BCL2L13: variants seen among roughly 807,000 people sequenced by gnomAD.
The protein encoded by BCL2L13 is bcl-2-like protein 13.
A neutral mutation model predicts 25.8 loss-of-function variants in BCL2L13; 13 were observed. The ratio of observed to expected loss-of-function variants is 0.50; its 90% CI spans 0.33 to 0.80. The LOEUF is 0.80. Ranked by LOEUF, BCL2L13 falls within the 30% of genes least tolerant of loss-of-function variation. BCL2L13 has a pLI of 0.02. For synonymous variants in BCL2L13, 244 were observed against 230.3 expected (o/e 1.06, Z -0.54); for missense variants, 504 against 574.9 (o/e 0.88, Z 1.26).
intron 3 of BCL2L13, among the ~76,000 whole-genome samples, chr22:17,684,175 T>G (rs1309479930): frequency 6.6e-6 from 1 of 152,100 alleles, no homozygotes; most frequent in Non-Finnish European, 1.5e-5. Context: ...ATTTAAAAGG[T>G]CCAGTTCAGT....
chr22:17,656,909 C>T (rs569398142), intron 2 of BCL2L13, among the ~76,000 whole-genome samples: 1 of 152,240 alleles, frequency 6.6e-6, no homozygotes, highest in South Asian at 2.1e-4. Context: ...ACCTCTGCCT[C>T]CCGGGTTCAA....
Position 17,727,019 on chromosome 22 carries a change from G to C in BCL2L13, c.943G>C (p.Val315Leu). 7.4e-6 allele frequency: 12 copies of C among 1,614,224 alleles called. No individual in the cohort carries two copies. The highest frequency in any genetic ancestry group is 1.0e-5 in the Non-Finnish European group (12 of 1,180,038). ...SDIVHVEKEE[V>L]PEGMEEAAVA... ...CATTGTGCACGTGGAGAAAGAAGAGGTGCCCGAGGGCATGGAAGAGGCTGC... is the reference window on the plus strand; with the variant it reads ...CATTGTGCACGTGGAGAAAGAAGAGCTGCCCGAGGGCATGGAAGAGGCTGC... Residue 315 changes from valine to leucine, a missense_variant, in exon 7 of 7, where the codon GTG (valine) becomes CTG (leucine). Val to Leu is a conservative substitution (Grantham distance 32). Coordinates refer to ENST00000317582, the MANE Select transcript of BCL2L13 (RefSeq NM_015367.4).
At chr22:17,706,573 G>A (rs1373002107) in intron 6 of BCL2L13, 6 of 782,578 alleles carry the variant, frequency 7.7e-6, no homozygotes, top group Non-Finnish European at 9.8e-6. Context: ...ACAAATGCCA[G>A]GTTTTCACAT....
rs139775965 is a variant in BCL2L13 at position 17,715,106 on chromosome 22, G to T, written c.601-11571G>T. Among the ~76,000 whole-genome samples, 163 of 119,682 alleles carry T rather than the reference G, an allele frequency of 1.4e-3. 1 individual carries two copies. Among genetic ancestry groups the T allele is most frequent in the Non-Finnish European group, 2.4e-3 (147 of 60,504 alleles). 78.5% of individuals were successfully genotyped at this position (119,682 alleles called of 152,430 possible). A position where few individuals can be genotyped will look rare whatever the true frequency, so the allele number is the denominator to read the frequency against. On this transcript the variant is annotated intron_variant, in intron 6 of 6. Coordinates refer to ENST00000317582, the MANE Select transcript of BCL2L13 (RefSeq NM_015367.4). ...GGGCCAGCCTTATTAAGTTTCCAAA[G>T]ACTTCAGTGTTAATTTTATATATAT... is the stretch of plus-strand genomic sequence containing the variant.
At chr22:17,719,874 C>T (rs969931736) in intron 6 of BCL2L13, among the ~76,000 whole-genome samples, 2 of 147,244 alleles carry the variant, frequency 1.4e-5, no homozygotes, top group African/African-American at 5.0e-5. Flanking sequence ...ATACATGCTA[C>T]AACATGGGTG....
chr22:17,702,700 A>T (rs1304695130), intron 6 of BCL2L13: 1 of 199,206 alleles, frequency 5.0e-6, no homozygotes, highest in Non-Finnish European at 1.0e-5. Flanking sequence ...ATGTTCTTTG[A>T]CCCTTGAATT....
intron 1 of BCL2L13, among the ~76,000 whole-genome samples, chr22:17,631,158 G>A (rs1345415267): frequency 6.6e-6 from 1 of 150,514 alleles, no homozygotes; most frequent in Non-Finnish European, 1.5e-5. Flanking sequence ...GTGCAGTGGT[G>A]CAAACTCGGC....
At chr22:17,628,882 A>T (rs1051461246), upstream of BCL2L13, 2 of 575,422 alleles carry the variant, frequency 3.5e-6, no homozygotes, top group Non-Finnish European at 6.2e-6. Flanking sequence ...GGGTCCTTCT[A>T]CGTCGCTGAC....
At chr22:17,703,319 C>T (rs931899373) in intron 6 of BCL2L13, 2 of 152,124 alleles carry the variant, frequency 1.3e-5, no homozygotes, top group Non-Finnish European at 2.9e-5. Flanking sequence ...TATTTTAAAT[C>T]TTTCAGTCAT....
At chr22:17,708,829 G>A (rs8135065) in intron 6 of BCL2L13, among the ~76,000 whole-genome samples, 4 of 152,274 alleles carry the variant, frequency 2.6e-5, no homozygotes, top group East Asian at 3.9e-4. Context: ...GAATGGTTCC[G>A]AGGCTACTTG....
chr22:17,684,895 A>G (rs537632582), intron 3 of BCL2L13, among the ~76,000 whole-genome samples: 33 of 151,594 alleles, frequency 2.2e-4, no homozygotes, highest in Non-Finnish European at 4.0e-4. Context: ...ACCACACCCG[A>G]CTAATTTTTT....
intron 2 of BCL2L13, among the ~76,000 whole-genome samples, chr22:17,671,860 C>T (rs2059430140): frequency 6.6e-6 from 1 of 152,204 alleles, no homozygotes; most frequent in South Asian, 2.1e-4. Flanking sequence ...ATTAAAGGAG[C>T]GCGCCATCAC....
At chr22:17,724,372 C>T (rs556050716) in intron 6 of BCL2L13, among the ~76,000 whole-genome samples, 50 of 152,298 alleles carry the variant, frequency 3.3e-4, no homozygotes, top group African/African-American at 1.2e-3. Flanking sequence ...CAGATTCGCA[C>T]AGCTGGTACA....
chr22:17,715,225 A>G (rs1231590264), intron 6 of BCL2L13, among the ~76,000 whole-genome samples: 1 of 112,628 alleles, frequency 8.9e-6, no homozygotes, highest in Non-Finnish European at 1.7e-5. Flanking sequence ...TCGGTTACCC[A>G]GGCTGGAGTA....
At chr22:17,723,997 G>A (rs144008499) in intron 6 of BCL2L13, among the ~76,000 whole-genome samples, 3 of 152,200 alleles carry the variant, frequency 2.0e-5, no homozygotes, top group Non-Finnish European at 4.4e-5. Context: ...TCAAGTCCAG[G>A]TGTGGTGGCT....
At chr22:17,710,703 C>T (rs560083243) in intron 6 of BCL2L13, among the ~76,000 whole-genome samples, 36 of 151,942 alleles carry the variant, frequency 2.4e-4, no homozygotes, top group Non-Finnish European at 3.8e-4. Context: ...GGTGAAACCC[C>T]GTCTCTACTA....
chr22:17,727,571 G>A lies in BCL2L13; in HGVS notation c.*37G>A, dbSNP rs2061332823. 4 of 1,606,460 alleles carry A rather than the reference G, an allele frequency of 2.5e-6. No homozygotes were observed. The highest frequency in any genetic ancestry group is 3.4e-6 in the Non-Finnish European group (4 of 1,175,834). ...GAAGAGAAAGACAGAAGGATGTAAGGTTGGAGTTGTATTGGCTGGAATTTG... is the reference window on the plus strand; with the variant it reads ...GAAGAGAAAGACAGAAGGATGTAAGATTGGAGTTGTATTGGCTGGAATTTG... On this transcript the variant is annotated 3_prime_UTR_variant, in exon 7 of 7. Coordinates refer to ENST00000317582, the MANE Select transcript of BCL2L13 (RefSeq NM_015367.4).
chr22:17,726,539 C>A, intron 6 of BCL2L13, 138 bp from the exon 7 acceptor site: 3 of 995,946 alleles, frequency 3.0e-6, no homozygotes, highest in East Asian at 2.6e-5. Flanking sequence ...TACATGCATT[C>A]CATTCGGAAA....
upstream of BCL2L13, among the ~76,000 whole-genome samples, chr22:17,635,232 A>C (rs921701810): frequency 6.6e-6 from 1 of 151,768 alleles, no homozygotes; most frequent in African/African-American, 2.4e-5. Flanking sequence ...TACAAAAAAA[A>C]AACTAAAAAA....
Sources: allele counts gnomAD v4.1 joint callset (sites outside exome capture counted in the v4.1 genomes callset), GRCh38; gene constraint gnomAD v4.1.1; transcripts MANE v1.5; gene names NCBI Gene and HGNC (gene_info 2026-07-23, HGNC 2026-07-21).